The following BTBD9 variants were observed in gnomAD, a reference collection of about 807,000 sequenced individuals.
BTBD9 encodes BTB/POZ domain-containing protein 9.
A neutral mutation model predicts 64.3 loss-of-function variants in BTBD9; 49 were observed. That is an observed-to-expected ratio of 0.76 (90% CI 0.61 to 0.97). The LOEUF (loss-of-function observed/expected upper bound fraction) is 0.97. BTBD9 is among the 50% of genes least tolerant of loss of function. BTBD9 has a pLI of 0.00. For synonymous variants in BTBD9, 260 were observed against 274.7 expected (o/e 0.95, Z 0.53); for missense variants, 598 against 762.1 (o/e 0.78, Z 2.53).
chr6:38,623,839 C>A (rs1419350832), intron 1 of BTBD9, among the ~76,000 whole-genome samples: 1 of 152,174 alleles, frequency 6.6e-6, no homozygotes, highest in East Asian at 1.9e-4. Context: ...AAATGGAACC[C>A]CAAATGAGCT....
rs117936435 is a variant in BTBD9, at chr6:38,470,680, C to G, written c.1154+106920G>C. On this transcript the variant is annotated intron_variant, in intron 6 of 10. Transcript: ENST00000481247. ...ACAAGAGAAGAACTGGCCTTCTCAA[C>G]AAGAGAAGAGTGTGTACCTCTGCAG... Among the ~76,000 whole-genome samples the G allele has an allele frequency of 1.3e-4, 20 of 152,358 alleles. No homozygotes were observed. The South Asian group carries it at 4.1e-3, about 32-fold the overall frequency.
At chr6:38,409,692 T>C (rs1236414601) in intron 6 of BTBD9, among the ~76,000 whole-genome samples, 5 of 151,900 alleles carry the variant, frequency 3.3e-5, no homozygotes, top group Non-Finnish European at 7.4e-5. Flanking sequence ...AGTATGGTGG[T>C]CCGTGCCTGT....
intron 6 of BTBD9, among the ~76,000 whole-genome samples, chr6:38,466,283 CTTTTTTTTTTTTTTT>C (rs67769669): frequency 2.3e-5 from 1 of 44,068 alleles, no homozygotes; most frequent in African/African-American, 9.5e-5. Context: ...CTTCCTTTTC[CTTTTTTTTTTTTTTT>C]TTTTTTTTTT....
intron 9 of BTBD9, among the ~76,000 whole-genome samples, chr6:38,210,294 T>A (rs1245600341): frequency 1.8e-5 from 2 of 113,010 alleles, no homozygotes; most frequent in African/African-American, 4.0e-5. Flanking sequence ...TAGATAATTA[T>A]CTCTCTCTCT....
At chr6:38,257,984 T>C (rs1012798754) in intron 8 of BTBD9, among the ~76,000 whole-genome samples, 1 of 151,820 alleles carries the variant, frequency 6.6e-6, no homozygotes. Flanking sequence ...AAAAAAAATA[T>C]ATATGTATAT....
chr6:38,580,533 T>G, intron 4 of BTBD9, 96 bp from the exon 5 acceptor site: 11 of 1,016,692 alleles, frequency 1.1e-5, no homozygotes, highest in Non-Finnish European at 1.5e-5. Flanking sequence ...TTTATTCTAG[T>G]ATCTGCATTT....
At chr6:38,243,213 G>A (rs1764067142) in intron 9 of BTBD9, among the ~76,000 whole-genome samples, 4 of 152,302 alleles carry the variant, frequency 2.6e-5, no homozygotes, top group Non-Finnish European at 5.9e-5. Flanking sequence ...TAGAAAGTCT[G>A]GTTAGAGTCA....
intron 6 of BTBD9, among the ~76,000 whole-genome samples, chr6:38,480,664 C>T (rs1262388747): frequency 6.6e-6 from 1 of 152,196 alleles, no homozygotes; most frequent in East Asian, 1.9e-4. Context: ...CCCCACCAAA[C>T]CCACTGTTCT....
At chr6:38,435,086 C>G (rs556649582) in intron 6 of BTBD9, among the ~76,000 whole-genome samples, 1 of 147,676 alleles carries the variant, frequency 6.8e-6, no homozygotes, top group Non-Finnish European at 1.5e-5. Context: ...CCCAGCTACT[C>G]GGGAGGCTGA....
chr6:38,383,826 C>T (rs534308227), intron 6 of BTBD9, among the ~76,000 whole-genome samples: 5 of 152,162 alleles, frequency 3.3e-5, no homozygotes, highest in Non-Finnish European at 7.4e-5. Flanking sequence ...TCCACCCCTC[C>T]TCCAAATTCA....
At chr6:38,625,622 A>G (rs1429349535) in intron 1 of BTBD9, among the ~76,000 whole-genome samples, 1 of 152,204 alleles carries the variant, frequency 6.6e-6, no homozygotes, top group Non-Finnish European at 1.5e-5. Context: ...TCCTGCCCAA[A>G]CAAGAACACA....
intron 6 of BTBD9, among the ~76,000 whole-genome samples, chr6:38,483,419 G>A (rs925049649): frequency 1.3e-5 from 2 of 151,832 alleles, no homozygotes; most frequent in East Asian, 1.9e-4. Context: ...CCAGTCTCTT[G>A]TATTCACTTT....
intron 6 of BTBD9, among the ~76,000 whole-genome samples, chr6:38,415,160 C>T (rs2745381): frequency 0.44 from 66,448 of 151,962 alleles, 14,585 homozygotes; most frequent in Non-Finnish European, 0.46. Context: ...CCTCCCCAAA[C>T]ATGTCCATAT....
intron 1 of BTBD9, among the ~76,000 whole-genome samples, chr6:38,626,075 G>A (rs1474827017): frequency 6.6e-6 from 1 of 152,162 alleles, no homozygotes; most frequent in Non-Finnish European, 1.5e-5. Flanking sequence ...GTTGGACTGA[G>A]CCCAAGCCAA....
At chr6:38,564,692 T>G (rs534816311) in intron 6 of BTBD9, among the ~76,000 whole-genome samples, 32 of 152,170 alleles carry the variant, frequency 2.1e-4, no homozygotes, top group Non-Finnish European at 3.5e-4. Context: ...ATTGAGACCA[T>G]CCTGGCTAAC....
intron 9 of BTBD9, among the ~76,000 whole-genome samples, chr6:38,198,650 G>A (rs938093819): frequency 6.6e-6 from 1 of 152,190 alleles, no homozygotes; most frequent in Non-Finnish European, 1.5e-5. Context: ...TTCTGCAGCA[G>A]ACCTGTTGAA....
intron 6 of BTBD9, among the ~76,000 whole-genome samples, chr6:38,509,170 G>A (rs775958208): frequency 1.3e-5 from 2 of 151,860 alleles, no homozygotes; most frequent in Non-Finnish European, 2.9e-5. Context: ...GACACATGGA[G>A]GTTACTCAAT....
rs1561821546 is a variant in BTBD9 at position 38,171,865 on chromosome 6, AAAAAAAAAAAAAAAAAATAATAAT to A, written c.*3096_*3119del. 1.0e-5 allele frequency: 1 copy of A among 96,578 alleles called. No individual in the cohort carries two copies. The highest frequency in any genetic ancestry group is 2.4e-5 in the Non-Finnish European group (1 of 42,526). The allele number at this position is 96,578 out of a possible 1,614,324, so 6.0% of individuals were successfully genotyped here. ...TACTCTCAAAAAAAAAAAAAAAAAA[AAAAAAAAAAAAAAAAAATAATAAT>A]AATAATAATAATAATAATAATGAAA... On this transcript the variant is annotated 3_prime_UTR_variant, in exon 11 of 11. Coordinates refer to ENST00000481247, the MANE Select transcript of BTBD9 (RefSeq NM_001099272.2).
chr6:38,612,621 G>C (rs187877835), intron 1 of BTBD9, among the ~76,000 whole-genome samples: 1 of 152,166 alleles, frequency 6.6e-6, no homozygotes, highest in Non-Finnish European at 1.5e-5. Flanking sequence ...CTTAAGGAAT[G>C]GGGTATTATG....
Sources: allele counts gnomAD v4.1 joint callset (sites outside exome capture counted in the v4.1 genomes callset), GRCh38; gene constraint gnomAD v4.1.1; transcripts MANE v1.5; gene names NCBI Gene and HGNC (gene_info 2026-07-23, HGNC 2026-07-21).